The following TGFBR1 variants were observed in gnomAD, a reference collection of about 807,000 sequenced individuals.
TGFBR1 encodes transforming growth factor beta receptor 1.
A neutral mutation model predicts 55.1 loss-of-function variants in TGFBR1; 20 were observed. The ratio of observed to expected loss-of-function variants is 0.36; its 90% confidence interval spans 0.26 to 0.53. The LOEUF (loss-of-function observed/expected upper bound fraction) is 0.53. Among genes scored for constraint, TGFBR1 ranks in the 20% least tolerant of loss-of-function variants. The pLI, the probability that TGFBR1 is intolerant of heterozygous loss-of-function variation, is 0.91. For missense variants in TGFBR1, 385 were observed against 617.6 expected, an observed-to-expected ratio of 0.62 and a Z score of 3.99; for synonymous variants, 220 against 214.8, an observed-to-expected ratio of 1.02 and a Z score of -0.21.
chr9:99,147,925 A>G (rs1339541146), intron 8 of TGFBR1, 141 bp downstream of exon 8: 3 of 1,040,334 alleles, frequency 2.9e-6, no homozygotes, highest in Non-Finnish European at 4.3e-6. Flanking sequence ...TAAAAACAGA[A>G]TAATTTGGTT....
chr9:99,139,004 G>T (rs563621110), intron 4 of TGFBR1, among the ~76,000 whole-genome samples: 4 of 151,954 alleles, frequency 2.6e-5, no homozygotes, highest in African/African-American at 9.7e-5. Flanking sequence ...CACCATGTTG[G>T]CCAGGTTGGC....
chr9:99,110,348 C>T (rs1826529871), intron 1 of TGFBR1, among the ~76,000 whole-genome samples: 1 of 152,142 alleles, frequency 6.6e-6, no homozygotes, highest in South Asian at 2.1e-4. Flanking sequence ...ATTCTCTCTT[C>T]TCTCTTTTTT....
At chr9:99,125,861 C>T (rs1827025454) in intron 1 of TGFBR1, among the ~76,000 whole-genome samples, 1 of 152,046 alleles carries the variant, frequency 6.6e-6, no homozygotes, top group Non-Finnish European at 1.5e-5. Context: ...ATTGTTTTAG[C>T]AAATATTTTT....
chr9:99,129,168 C>T, intron 2 of TGFBR1, 68 bp downstream of exon 2: 1 of 1,547,980 alleles, frequency 6.5e-7, no homozygotes, highest in South Asian at 1.1e-5. Context: ...GATTTTAGAA[C>T]TGGAAGGGAT....
intron 4 of TGFBR1, 78 bp downstream of exon 4, chr9:99,138,167 C>T: frequency 7.9e-7 from 1 of 1,263,862 alleles, no homozygotes; most frequent in South Asian, 1.2e-5. Flanking sequence ...GACTAACCAT[C>T]ATCAAAGTAG....
intron 1 of TGFBR1, among the ~76,000 whole-genome samples, chr9:99,125,165 C>G (rs1827004906): frequency 1.3e-5 from 2 of 152,120 alleles, no homozygotes; most frequent in African/African-American, 2.4e-5. Flanking sequence ...GTGAGTAGTG[C>G]CTCTTCTCAT....
intron 6 of TGFBR1, among the ~76,000 whole-genome samples, chr9:99,145,495 A>G (rs1384466964): frequency 1.3e-5 from 2 of 152,214 alleles, no homozygotes; most frequent in Non-Finnish European, 2.9e-5. Flanking sequence ...ATATTCTATT[A>G]GGTGCAAGCT....
At chr9:99,128,134 A>G (rs572225231) in intron 1 of TGFBR1, 29 of 387,970 alleles carry the variant, frequency 7.5e-5, no homozygotes, top group Non-Finnish European at 1.4e-4. Flanking sequence ...GGGTTGAGCC[A>G]TAAAGATCAA....
chr9:99,106,104 T>G (rs1455074365), intron 1 of TGFBR1, among the ~76,000 whole-genome samples: 2 of 152,260 alleles, frequency 1.3e-5, no homozygotes, highest in Non-Finnish European at 1.5e-5. Context: ...TTCTGCGGGT[T>G]TTGGAAATTT....
intron 1 of TGFBR1, among the ~76,000 whole-genome samples, chr9:99,116,981 C>A (rs2026811): frequency 0.25 from 37,382 of 152,008 alleles, 4,886 homozygotes; most frequent in East Asian, 0.47. Flanking sequence ...AAGCTCCTTC[C>A]TTTTGGTGGG....
chr9:99,110,234 A>C (rs1336763789), intron 1 of TGFBR1, among the ~76,000 whole-genome samples: 1 of 151,848 alleles, frequency 6.6e-6, no homozygotes, highest in Non-Finnish European at 1.5e-5. Flanking sequence ...TTTCTAATCT[A>C]ACTTAAAAAA....
At chr9:99,128,658 T>C (rs1827114314) in intron 1 of TGFBR1, 197 bp from the exon 2 acceptor site, 2 of 759,302 alleles carry the variant, frequency 2.6e-6, no homozygotes, top group Non-Finnish European at 4.4e-6. Context: ...TTCCTTGGGC[T>C]TCCACGTGTA....
At chr9:99,126,921 T>G (rs1827058736) in intron 1 of TGFBR1, among the ~76,000 whole-genome samples, 2 of 152,206 alleles carry the variant, frequency 1.3e-5, no homozygotes, top group African/African-American at 4.8e-5. Flanking sequence ...TTTACTGGTC[T>G]GTAAAGATAA....
intron 1 of TGFBR1, among the ~76,000 whole-genome samples, chr9:99,111,663 C>A (rs1255654999): frequency 6.6e-6 from 1 of 152,008 alleles, no homozygotes; most frequent in Non-Finnish European, 1.5e-5. Flanking sequence ...CAGCAACAAA[C>A]CATTCTTTAA....
At chr9:99,112,147 T>A (rs927182400) in intron 1 of TGFBR1, among the ~76,000 whole-genome samples, 1 of 152,174 alleles carries the variant, frequency 6.6e-6, no homozygotes, top group Non-Finnish European at 1.5e-5. Context: ...GGAAAAAGAA[T>A]GTCTAATTGT....
intron 3 of TGFBR1, among the ~76,000 whole-genome samples, chr9:99,134,238 C>A (rs952348547): frequency 3.3e-5 from 5 of 152,098 alleles, no homozygotes; most frequent in Non-Finnish European, 5.9e-5. Flanking sequence ...CTGAATTATT[C>A]TTCTATAGAA....
chr9:99,146,705 A>G, intron 7 of TGFBR1, 96 bp downstream of exon 7: 3 of 1,573,160 alleles, frequency 1.9e-6, no homozygotes, highest in Non-Finnish European at 2.6e-6. Flanking sequence ...TGTACAGTCC[A>G]TTATCTGAAA....
chr9:99,115,848 G>C (rs1463731826), intron 1 of TGFBR1, among the ~76,000 whole-genome samples: 5 of 152,014 alleles, frequency 3.3e-5, no homozygotes. Context: ...ACAAGTTAAA[G>C]TAGTTTTAGT....
intron 4 of TGFBR1, among the ~76,000 whole-genome samples, chr9:99,141,452 G>C (rs1827614617): frequency 6.6e-6 from 1 of 151,958 alleles, no homozygotes; most frequent in Non-Finnish European, 1.5e-5. Context: ...TTTTCTTTTG[G>C]TTTACAACCA....
Sources: allele counts gnomAD v4.1 joint callset (sites outside exome capture counted in the v4.1 genomes callset), GRCh38; gene constraint gnomAD v4.1.1; transcripts MANE v1.5; gene names NCBI Gene and HGNC (gene_info 2026-07-23, HGNC 2026-07-21).